The following RANBP17 variants were observed in gnomAD, a reference collection of about 807,000 sequenced individuals.
RANBP17 encodes the protein RAN binding protein 17.
A neutral mutation model predicts 141.2 loss-of-function variants in RANBP17; 158 were observed. That is an observed-to-expected ratio of 1.12 (90% CI 0.98 to 1.28). RANBP17 has a LOEUF of 1.28. Ranked by LOEUF, RANBP17 falls within the 50% of genes most tolerant of loss-of-function variation. The pLI, the probability that RANBP17 is intolerant of heterozygous loss-of-function variation, is 0.00. For synonymous variants in RANBP17, 430 were observed against 450.0 expected, an observed-to-expected ratio of 0.96 and a Z score of 0.56; for missense variants, 1,438 against 1,290.7, an observed-to-expected ratio of 1.11 and a Z score of -1.75.
Position 171,265,692 on chromosome 5 carries a change from T to C in RANBP17, c.2788T>C (p.Ser930Pro), listed in dbSNP as rs1435916775. The change falls in exon 25 of 28, where the codon TCC (serine) becomes CCC (proline). Residue 930 changes from serine (S) to proline (P), a missense_variant. By Grantham distance (74) the Ser-to-Pro change is moderately conservative. Transcript: ENST00000523189. ...EGLTTLDTVVSSSCCTSLDYI... is the reference protein window; with the variant it reads ...EGLTTLDTVVPSSCCTSLDYI... ...TACTATTTGTACAGATACAGTTGTC[T>C]CCTCCAGCTGCTGTACCAGTTTAGA... The C allele has an allele frequency of 1.9e-5, 31 of 1,612,046 alleles. No homozygotes were observed. Among genetic ancestry groups the C allele is most frequent in the Non-Finnish European group, 2.5e-5 (30 of 1,179,446 alleles).
intron 18 of RANBP17, among the ~76,000 whole-genome samples, chr5:171,195,478 G>A (rs138461099): frequency 6.6e-6 from 1 of 152,334 alleles, no homozygotes; most frequent in Non-Finnish European, 1.5e-5. Flanking sequence ...CAGGAACAGT[G>A]CTGACTAAAA....
At chr5:171,019,446 G>C (rs904300750) in intron 14 of RANBP17, among the ~76,000 whole-genome samples, 2 of 152,040 alleles carry the variant, frequency 1.3e-5, no homozygotes, top group Admixed American at 1.3e-4. Flanking sequence ...GCTTGTTATT[G>C]GTCTATTCAG....
intron 24 of RANBP17, among the ~76,000 whole-genome samples, chr5:171,245,700 A>C (rs1765168805): frequency 6.6e-6 from 1 of 152,104 alleles, no homozygotes; most frequent in South Asian, 2.1e-4. Flanking sequence ...ATCGGATGGC[A>C]ACTCTTATTT....
rs769742239 is a variant in RANBP17, at chr5:170,955,681, T to TATATATATATATATACAC, written c.1574+1980_1574+1981insTATATATATATATACACA. Reference sequence around the variant, plus strand: ...ATATATATATATATATATATATATATACACTGAATGAACTCTGTAGAGGAA... The same window carrying TATATATATATATATACAC: ...ATATATATATATATATATATATATATATATATATATATATACACACACTGAATGAACTCTGTAGAGGAA... On this transcript the variant is annotated intron_variant, in intron 13 of 27. Transcript: ENST00000523189. Among the ~76,000 whole-genome samples, 35 of 39,092 alleles carry TATATATATATATATACAC rather than the reference T, an allele frequency of 9.0e-4. 5 individuals are homozygous for TATATATATATATATACAC. Among genetic ancestry groups the TATATATATATATATACAC allele is most frequent in the Non-Finnish European group, 1.6e-3 (29 of 18,432 alleles). 25.6% of individuals were successfully genotyped at this position (39,092 alleles called of 152,430 possible).
At chr5:171,149,120 T>C (rs180808041) in intron 14 of RANBP17, among the ~76,000 whole-genome samples, 240 of 152,332 alleles carry the variant, frequency 1.6e-3, no homozygotes, top group African/African-American at 5.3e-3. Flanking sequence ...TCACCCATTC[T>C]ATAAAATCAC....
intron 14 of RANBP17, among the ~76,000 whole-genome samples, chr5:171,087,577 C>G: frequency 6.6e-6 from 1 of 151,662 alleles, no homozygotes; most frequent in Non-Finnish European, 1.5e-5. Context: ...TAAAGTCTCC[C>G]ATTATTAATG....
chr5:171,233,597 A>G (rs1420608270), intron 22 of RANBP17, among the ~76,000 whole-genome samples: 1 of 152,240 alleles, frequency 6.6e-6, no homozygotes, highest in African/African-American at 2.4e-5. Flanking sequence ...ACAAAAAGAT[A>G]TGTAGGAACT....
At chr5:170,930,603 C>T (rs1481820489) in intron 12 of RANBP17, among the ~76,000 whole-genome samples, 4 of 151,954 alleles carry the variant, frequency 2.6e-5, no homozygotes, top group Non-Finnish European at 4.4e-5. Context: ...ATGTTCCCCG[C>T]CCTGTGTCCA....
At position 171,046,693 on chromosome 5, in the gene RANBP17, GA is replaced by G. The variant is rs538535986; in HGVS notation, c.1710+78325del. Among the ~76,000 whole-genome samples the G allele has an allele frequency of 1.3e-3, 201 of 150,776 alleles. 1 individual carries two copies. The highest frequency in any genetic ancestry group is 1.9e-3 in the South Asian group (9 of 4,750). On this transcript the variant is annotated intron_variant, in intron 14 of 27. Coordinates refer to ENST00000523189, the MANE Select transcript of RANBP17 (RefSeq NM_022897.5). ...ATTTCTAGAAAAGCAGTTGCTGGATGAAAAAAAAATACACAAAATTATATGG... is the reference window on the plus strand; with the variant it reads ...ATTTCTAGAAAAGCAGTTGCTGGATGAAAAAAAATACACAAAATTATATGG...
At chr5:171,147,737 A>G (rs1196282214) in intron 14 of RANBP17, among the ~76,000 whole-genome samples, 1 of 152,114 alleles carries the variant, frequency 6.6e-6, no homozygotes, top group Non-Finnish European at 1.5e-5. Context: ...CTAAGCAGCT[A>G]AAGAAAGGTA....
rs751995958 is a variant in RANBP17, at chr5:171,300,001, C to T, written c.*1143C>T. ...TGAACAATAAGTAAATCCACAGGCT[C>T]CTGTTGTAATCTCATTTCTCAGACT... On this transcript the variant is annotated 3_prime_UTR_variant, in exon 28 of 28. Coordinates refer to ENST00000523189, the MANE Select transcript of RANBP17 (RefSeq NM_022897.5). 18 of 185,558 alleles carry T rather than the reference C, an allele frequency of 9.7e-5. No individual in the cohort carries two copies. Among genetic ancestry groups the T allele is most frequent in the Admixed American group, 1.9e-4 (3 of 16,084 alleles). 11.5% of individuals were successfully genotyped at this position (185,558 alleles called of 1,614,324 possible).
At chr5:170,921,576 T>G (rs1274613327) in intron 11 of RANBP17, among the ~76,000 whole-genome samples, 2 of 152,062 alleles carry the variant, frequency 1.3e-5, no homozygotes, top group Non-Finnish European at 2.9e-5. Context: ...TACGGGCTCT[T>G]TTTTGGTTCC....
chr5:170,945,189 G>A (rs1017618213), intron 12 of RANBP17, among the ~76,000 whole-genome samples: 2 of 152,200 alleles, frequency 1.3e-5, no homozygotes, highest in East Asian at 3.9e-4. Context: ...ATTAGAAAGT[G>A]TATATGGCTA....
intron 14 of RANBP17, among the ~76,000 whole-genome samples, chr5:171,037,260 G>A (rs1202094133): frequency 6.6e-6 from 1 of 152,080 alleles, no homozygotes; most frequent in Non-Finnish European, 1.5e-5. Context: ...TTTGAGAAGT[G>A]TTGATTCATG....
At chr5:171,246,490 T>C (rs538332904) in intron 24 of RANBP17, among the ~76,000 whole-genome samples, 2 of 152,338 alleles carry the variant, frequency 1.3e-5, no homozygotes, top group Non-Finnish European at 1.5e-5. Context: ...AAACCATTGT[T>C]TCGTATAATT....
chr5:170,865,306 G>A (rs967586757), intron 1 of RANBP17, among the ~76,000 whole-genome samples: 21 of 152,050 alleles, frequency 1.4e-4, no homozygotes, highest in African/African-American at 5.1e-4. Context: ...CAGGTGATCC[G>A]CCCACTTCGG....
intron 14 of RANBP17, among the ~76,000 whole-genome samples, chr5:171,028,046 C>T (rs1490747882): frequency 6.6e-6 from 1 of 151,684 alleles, no homozygotes; most frequent in Admixed American, 6.6e-5. Context: ...CCCATACATA[C>T]CAATAACATT....
chr5:171,055,323 C>G (rs1305942316), intron 14 of RANBP17, among the ~76,000 whole-genome samples: 1 of 152,138 alleles, frequency 6.6e-6, no homozygotes. Context: ...AAAAAAACAT[C>G]AGAAACAACT....
intron 14 of RANBP17, among the ~76,000 whole-genome samples, chr5:171,016,114 G>T (rs1330812737): frequency 1.3e-5 from 2 of 150,212 alleles, no homozygotes; most frequent in Non-Finnish European, 2.9e-5. Flanking sequence ...TTCCACTAAG[G>T]TTCTGCTTTT....
Sources: allele counts gnomAD v4.1 joint callset (sites outside exome capture counted in the v4.1 genomes callset), GRCh38; gene constraint gnomAD v4.1.1; transcripts MANE v1.5; gene names NCBI Gene and HGNC (gene_info 2026-07-23, HGNC 2026-07-21).